FGF14: variants seen among roughly 807,000 people sequenced by gnomAD.
The protein encoded by FGF14 is fibroblast growth factor 14.
Under a neutral mutation model 25.5 loss-of-function variants are expected in FGF14, and 5 were observed. The observed-to-expected ratio is 0.20, with a 90% CI of 0.10 to 0.41. The LOEUF (loss-of-function observed/expected upper bound fraction) is 0.41. Among genes scored for constraint, FGF14 ranks in the 10% least tolerant of loss-of-function variants. FGF14 has a pLI of 1.00. For missense variants in FGF14, 222 were observed against 320.1 expected (o/e 0.69, Z 2.34); for synonymous variants, 138 against 118.3 (o/e 1.17, Z -1.08).
chr13:102,143,766 T>C (rs963816792), intron 1 of FGF14, among the ~76,000 whole-genome samples: 1 of 152,178 alleles, frequency 6.6e-6, no homozygotes, highest in Non-Finnish European at 1.5e-5. Context: ...AATACATATA[T>C]AAAGAAATAC....
chr13:102,153,907 G>A (rs1316158445), intron 1 of FGF14, among the ~76,000 whole-genome samples: 1 of 152,024 alleles, frequency 6.6e-6, no homozygotes, highest in Non-Finnish European at 1.5e-5. Context: ...TTATAAAGGT[G>A]GTCTTATCTA....
intron 1 of FGF14, among the ~76,000 whole-genome samples, chr13:102,326,917 C>A (rs2056472564): frequency 6.6e-6 from 1 of 152,118 alleles, no homozygotes. Flanking sequence ...GTCAAGATAA[C>A]CCCAATTATT....
At chr13:102,063,354 C>G (rs1208196441) in intron 1 of FGF14, among the ~76,000 whole-genome samples, 1 of 152,032 alleles carries the variant, frequency 6.6e-6, no homozygotes, top group Non-Finnish European at 1.5e-5. Context: ...TGGTAATGCC[C>G]CTGTAAACTG....
intron 1 of FGF14, among the ~76,000 whole-genome samples, chr13:102,228,602 T>C (rs989803220): frequency 1.3e-5 from 2 of 152,178 alleles, no homozygotes; most frequent in African/African-American, 4.8e-5. Context: ...ACCAAACCCT[T>C]TGCTAAGTTT....
At chr13:101,889,680 T>TA (rs1428993664) in intron 1 of FGF14, among the ~76,000 whole-genome samples, 1 of 152,194 alleles carries the variant, frequency 6.6e-6, no homozygotes, top group Non-Finnish European at 1.5e-5. Context: ...ATGTACTTTT[T>TA]AACCCAGAAA....
upstream of FGF14, chr13:102,402,084 G>C: frequency 6.4e-6 from 1 of 156,146 alleles, no homozygotes. Context: ...AAAGAAAAAA[G>C]AAAAAAAAAG....
chr13:102,266,737 T>C (rs2053009453), intron 1 of FGF14, among the ~76,000 whole-genome samples: 2 of 151,880 alleles, frequency 1.3e-5, no homozygotes, highest in Non-Finnish European at 2.9e-5. Flanking sequence ...AGAAAATAAA[T>C]TGAAAATATC....
intron 1 of FGF14, among the ~76,000 whole-genome samples, chr13:101,959,618 A>C (rs1165388680): frequency 2.0e-5 from 3 of 152,206 alleles, no homozygotes; most frequent in Non-Finnish European, 4.4e-5. Flanking sequence ...CCAGCTACTG[A>C]AACCCTGTTC....
At chr13:101,775,411 T>C (rs9582524) in intron 3 of FGF14, among the ~76,000 whole-genome samples, 140 of 152,242 alleles carry the variant, frequency 9.2e-4, no homozygotes, top group African/African-American at 3.2e-3. Context: ...ACAGATGATA[T>C]GAGAAAAAGC....
intron 1 of FGF14, among the ~76,000 whole-genome samples, chr13:102,172,943 T>A (rs2048308091): frequency 6.6e-6 from 1 of 152,174 alleles, no homozygotes; most frequent in African/African-American, 2.4e-5. Flanking sequence ...AGATTCTATA[T>A]GTTTAATAAC....
intron 1 of FGF14, among the ~76,000 whole-genome samples, chr13:101,886,679 G>C (rs2046003584): frequency 6.6e-6 from 1 of 152,136 alleles, no homozygotes; most frequent in African/African-American, 2.4e-5. Flanking sequence ...AGCAAGAAAA[G>C]CAAATATAGA....
At chr13:102,389,071 G>A (rs1345022120) in intron 1 of FGF14, among the ~76,000 whole-genome samples, 1 of 152,016 alleles carries the variant, frequency 6.6e-6, no homozygotes, top group Non-Finnish European at 1.5e-5. Flanking sequence ...ACACATTCAA[G>A]AGTCAACTTA....
intron 1 of FGF14, among the ~76,000 whole-genome samples, chr13:102,141,418 T>A (rs1186354268): frequency 1.3e-5 from 2 of 152,190 alleles, no homozygotes; most frequent in Non-Finnish European, 2.9e-5. Context: ...TACTTATCAG[T>A]ACAAAAACAA....
intron 1 of FGF14, among the ~76,000 whole-genome samples, chr13:102,297,487 C>T (rs2054782127): frequency 6.6e-6 from 1 of 152,086 alleles, no homozygotes; most frequent in South Asian, 2.1e-4. Context: ...AACATACTTA[C>T]ATAAGAGGCT....
chr13:101,909,120 C>G (rs1490143741), intron 1 of FGF14, among the ~76,000 whole-genome samples: 1 of 152,162 alleles, frequency 6.6e-6, no homozygotes, highest in East Asian at 1.9e-4. Context: ...AAACTTTAGA[C>G]CTAAAACCAT....
intron 3 of FGF14, among the ~76,000 whole-genome samples, chr13:101,804,405 C>T (rs1332865666): frequency 1.3e-5 from 2 of 152,136 alleles, no homozygotes; most frequent in East Asian, 3.9e-4. Context: ...GTAAGTACTG[C>T]TGGTATTTAG....
intron 1 of FGF14, among the ~76,000 whole-genome samples, chr13:102,391,511 TA>T (rs1844390818): frequency 6.6e-6 from 1 of 152,244 alleles, no homozygotes; most frequent in African/African-American, 2.4e-5. Context: ...TCAAATTTCT[TA>T]ACTGCATCAT....
chr13:102,013,907 G>C (rs1354481473), intron 1 of FGF14, among the ~76,000 whole-genome samples: 1 of 152,150 alleles, frequency 6.6e-6, no homozygotes, highest in Non-Finnish European at 1.5e-5. Context: ...ATCAGGTTTA[G>C]AGCAGACGTC....
In FGF14 at chr13:101,713,055, T is replaced by TA. The variant is rs1334029370; in HGVS notation, c.*9775dup. On this transcript the variant is annotated 3_prime_UTR_variant, in exon 5 of 5. Transcript: ENST00000376143. ...ATTATGCCATAGCTACGCAAGAAGTTAAAAAACACAATTGTCACAATCTAA... is the reference window on the plus strand; with the variant it reads ...ATTATGCCATAGCTACGCAAGAAGTTAAAAAAACACAATTGTCACAATCTAA... 2 of 152,244 alleles carry TA rather than the reference T, an allele frequency of 1.3e-5. No individual in the cohort carries two copies. Among genetic ancestry groups the TA allele is most frequent in the African/African-American group, 4.8e-5 (2 of 41,466 alleles). The allele number at this position is 152,244 out of a possible 1,614,324, so 9.4% of individuals were successfully genotyped here.
Sources: gnomAD v4.1 joint callset for allele counts (sites outside exome capture counted in the v4.1 genomes callset) on GRCh38, gnomAD v4.1.1 for gene constraint, MANE v1.5 for transcripts, NCBI Gene and HGNC (gene_info 2026-07-23, HGNC 2026-07-21) for gene names.